DMD: variants seen among roughly 807,000 people sequenced by gnomAD.
The protein encoded by DMD is mutant dystrophin.
DMD carries 63 observed loss-of-function variants against 330.1 expected under a neutral mutation model. The ratio of observed to expected loss-of-function variants is 0.19; its 90% CI spans 0.16 to 0.24. The LOEUF (loss-of-function observed/expected upper bound fraction) is 0.24, where lower values mean the gene tolerates loss of function less well. Ranked by LOEUF, DMD falls within the 10% of genes least tolerant of loss-of-function variation. The pLI is 1.00. For synonymous variants in DMD, 1,223 were observed against 959.8 expected, an observed-to-expected ratio of 1.27 and a Z score of -5.07; for missense variants, 3,344 against 2,684.1, an observed-to-expected ratio of 1.25 and a Z score of -5.43.
At chrX:32,124,428 G>A (rs1294715718) in intron 44 of DMD, among the ~76,000 whole-genome samples, 1 of 112,082 alleles carries the variant, frequency 8.9e-6, no homozygotes, top group Non-Finnish European at 1.9e-5. Context: ...ACATGCAAAA[G>A]AGACCCAATT....
intron 9 of DMD, among the ~76,000 whole-genome samples, chrX:32,661,105 T>A (rs986108913): frequency 8.1e-5 from 8 of 98,399 alleles, no homozygotes; most frequent in Admixed American, 4.1e-4. Context: ...GTAAAGTTTA[T>A]TTCTTTCTTA....
chrX:31,334,575 G>A (rs2057323783), intron 61 of DMD, among the ~76,000 whole-genome samples: 1 of 111,302 alleles, frequency 9.0e-6, no homozygotes, highest in Admixed American at 9.5e-5. Context: ...ATGTCCCAAG[G>A]CAATAATTCT....
At chrX:31,621,694 A>G (rs899787161) in intron 55 of DMD, among the ~76,000 whole-genome samples, 1 of 111,888 alleles carries the variant, frequency 8.9e-6, no homozygotes, top group Non-Finnish European at 1.9e-5. Context: ...AGTAAGTGCT[A>G]AATAAGGGGT....
intron 1 of DMD, among the ~76,000 whole-genome samples, chrX:33,275,985 C>A (rs762069547): frequency 9.0e-6 from 1 of 111,657 alleles, no homozygotes; most frequent in East Asian, 2.8e-4. Context: ...TGATTGTTTT[C>A]TTTGAAGTTC....
chrX:32,518,516 C>A (rs1341385144), intron 17 of DMD, among the ~76,000 whole-genome samples: 1 of 110,559 alleles, frequency 9.0e-6, no homozygotes, highest in Non-Finnish European at 1.9e-5. Context: ...ACCATTGAAA[C>A]ACATGCTTTT....
chrX:31,298,363 TA>T (rs1400017400), intron 62 of DMD, among the ~76,000 whole-genome samples: 2 of 109,479 alleles, frequency 1.8e-5, no homozygotes, highest in African/African-American at 6.7e-5. Flanking sequence ...ATGCCACTTT[TA>T]AAGTTTCCCA....
intron 55 of DMD, among the ~76,000 whole-genome samples, chrX:31,582,374 G>A (rs2076383091): frequency 9.0e-6 from 1 of 111,671 alleles, no homozygotes; most frequent in South Asian, 3.8e-4. Flanking sequence ...AAGGAGAGTG[G>A]AAGAAATGGG....
intron 7 of DMD, among the ~76,000 whole-genome samples, chrX:32,777,212 A>G (rs1220179525): frequency 3.5e-5 from 3 of 85,010 alleles, no homozygotes; most frequent in Non-Finnish European, 6.5e-5. Flanking sequence ...TATCCAGGTC[A>G]GAATCTTACA....
intron 41 of DMD, among the ~76,000 whole-genome samples, chrX:32,334,044 C>G (rs1313992972): frequency 9.0e-6 from 1 of 111,488 alleles, no homozygotes; most frequent in Admixed American, 9.6e-5. Context: ...AGCTGATACT[C>G]GCTGAACATG....
chrX:33,001,237 C>A (rs922110734), intron 2 of DMD, among the ~76,000 whole-genome samples: 6 of 111,572 alleles, frequency 5.4e-5, no homozygotes, highest in Non-Finnish European at 7.5e-5. Flanking sequence ...GATGCTGGGT[C>A]CTGCCTATTA....
intron 7 of DMD, among the ~76,000 whole-genome samples, chrX:32,773,103 A>G (rs1197910786): frequency 8.9e-6 from 1 of 111,804 alleles, no homozygotes; most frequent in Non-Finnish European, 1.9e-5. Flanking sequence ...TTCCCTGTAA[A>G]TTTAACAAGC....
chrX:31,998,505 G>A (rs1603619702), intron 44 of DMD, among the ~76,000 whole-genome samples: 1 of 111,598 alleles, frequency 9.0e-6, no homozygotes, highest in Non-Finnish European at 1.9e-5. Context: ...CTGTTAATAC[G>A]TTCTGGTGGA....
intron 5 of DMD, among the ~76,000 whole-genome samples, chrX:32,821,307 G>A (rs756162718): frequency 7.2e-5 from 8 of 111,484 alleles, no homozygotes; most frequent in South Asian, 3.8e-4. Context: ...AATTCAAGCC[G>A]GGCGCAGTGG....
chrX:31,957,849 C>G (rs2095261978), intron 45 of DMD, among the ~76,000 whole-genome samples: 1 of 111,198 alleles, frequency 9.0e-6, no homozygotes, highest in African/African-American at 3.3e-5. Context: ...GGTAAGGAAT[C>G]AATAAAATGA....
Position 31,746,969 on chromosome X carries a change from C to T in DMD, c.7543-17221G>A, listed in dbSNP as rs938822797. On this transcript the variant is annotated intron_variant, in intron 51 of 78. Coordinates refer to ENST00000357033, the MANE Select transcript of DMD (RefSeq NM_004006.3). ...TTCAAAATAAACAACATCCTTTGTA[C>T]ATTTTCTCAGCAGTTGTCTGGGAGA... Among the ~76,000 whole-genome samples, 10 of 111,623 alleles carry T rather than the reference C, an allele frequency of 9.0e-5. No homozygotes were observed. In the South Asian group the frequency reaches 3.8e-3, roughly 43 times the overall value.
intron 43 of DMD, among the ~76,000 whole-genome samples, chrX:32,268,899 A>AC (rs1169992823): frequency 6.5e-5 from 7 of 108,331 alleles, no homozygotes; most frequent in African/African-American, 2.0e-4. Flanking sequence ...AGGGTAGGAG[A>AC]CCCCCCACCC....
chrX:31,310,200 T>C (rs2055371532), intron 62 of DMD, among the ~76,000 whole-genome samples: 1 of 70,625 alleles, frequency 1.4e-5, no homozygotes, highest in Non-Finnish European at 2.5e-5. Flanking sequence ...TCTCTCTCTC[T>C]CTCTCCATAT....
At chrX:31,349,460 G>A (rs1449890277) in intron 60 of DMD, among the ~76,000 whole-genome samples, 9 of 112,474 alleles carry the variant, frequency 8.0e-5, no homozygotes, top group Non-Finnish European at 1.5e-4. Context: ...TACAGGCAAG[G>A]CTTAAATTTG....
At chrX:32,328,686 T>C (rs1452817843) in intron 41 of DMD, among the ~76,000 whole-genome samples, 2 of 107,891 alleles carry the variant, frequency 1.9e-5, no homozygotes, top group African/African-American at 3.4e-5. Flanking sequence ...AATAACAACA[T>C]TACAAAAAAA....
Sources: gnomAD v4.1 joint callset for allele counts (sites outside exome capture counted in the v4.1 genomes callset) on GRCh38, gnomAD v4.1.1 for gene constraint, MANE v1.5 for transcripts, NCBI Gene and HGNC (gene_info 2026-07-23, HGNC 2026-07-21) for gene names.